The following AKIRIN2 variants were observed in gnomAD, a reference collection of about 807,000 sequenced individuals.
The protein encoded by AKIRIN2 is akirin 2, also known as akirin-2.
A neutral mutation model predicts 29.3 loss-of-function variants in AKIRIN2; 6 were observed. That is an observed-to-expected ratio of 0.20 (90% CI 0.11 to 0.40). The LOEUF is 0.40. Among genes scored for constraint, AKIRIN2 ranks in the 10% least tolerant of loss-of-function variants. AKIRIN2 has a pLI of 1.00. For synonymous variants in AKIRIN2, 128 were observed against 117.5 expected (o/e 1.09, Z -0.58); for missense variants, 210 against 276.1 (o/e 0.76, Z 1.70).
chr6:87,682,481 T>C (rs1771135225), intron 1 of AKIRIN2, among the ~76,000 whole-genome samples: 1 of 152,194 alleles, frequency 6.6e-6, no homozygotes, highest in African/African-American at 2.4e-5. Context: ...AGTAAAATTA[T>C]ATCTGGCACA....
At chr6:87,678,097 A>G (rs1771054306) in intron 2 of AKIRIN2, 130 bp from the exon 3 acceptor site, 7 of 814,088 alleles carry the variant, frequency 8.6e-6, no homozygotes, top group Non-Finnish European at 1.2e-5. Flanking sequence ...GATTTTAAGC[A>G]CAGCATTTCA....
Position 87,675,848 on chromosome 6 carries a change from T to C in AKIRIN2, c.601+12A>G. ...TATTTTCAGTTTATAACTTCAAAGG[T>C]GAAATACTTACAGCTAGCAGGCTGT... On this transcript the variant is annotated intron_variant, in intron 4 of 4. Transcript: ENST00000257787. The C allele has an allele frequency of 6.2e-7, 1 of 1,610,410 alleles. No individual in the cohort carries two copies. Among genetic ancestry groups the C allele is most frequent in the Non-Finnish European group, 8.5e-7 (1 of 1,178,142 alleles).
At chr6:87,698,709 G>A (rs1771410100) in intron 1 of AKIRIN2, among the ~76,000 whole-genome samples, 1 of 152,168 alleles carries the variant, frequency 6.6e-6, no homozygotes, top group South Asian at 2.1e-4. Context: ...TTGCGGTTAA[G>A]AAAGCAAGCT....
chr6:87,690,912 G>T (rs1771267657), intron 1 of AKIRIN2, among the ~76,000 whole-genome samples: 1 of 152,096 alleles, frequency 6.6e-6, no homozygotes, highest in South Asian at 2.1e-4. Flanking sequence ...GATGGAGGTT[G>T]CAGCGAGCGG....
intron 3 of AKIRIN2, 80 bp from the exon 4 acceptor site, chr6:87,676,011 G>T: frequency 8.5e-7 from 1 of 1,183,378 alleles, no homozygotes; most frequent in Non-Finnish European, 1.2e-6. Context: ...AAAATATACA[G>T]TAAAACAATT....
At chr6:87,681,345 T>C (rs1452682550) in intron 2 of AKIRIN2, among the ~76,000 whole-genome samples, 2 of 152,252 alleles carry the variant, frequency 1.3e-5, no homozygotes, top group African/African-American at 2.4e-5. Flanking sequence ...CCTGGCCTAT[T>C]GTTAATTTTT....
chr6:87,685,386 A>G (rs1315429225), intron 1 of AKIRIN2, among the ~76,000 whole-genome samples: 1 of 152,230 alleles, frequency 6.6e-6, no homozygotes, highest in African/African-American at 2.4e-5. Flanking sequence ...AGTTGCTTTC[A>G]TACCAGGTAG....
At chr6:87,694,279 T>C (rs1771325432) in intron 1 of AKIRIN2, among the ~76,000 whole-genome samples, 1 of 152,184 alleles carries the variant, frequency 6.6e-6, no homozygotes, top group African/African-American at 2.4e-5. Context: ...AAAAAAACTG[T>C]TTCAAAAGTG....
chr6:87,689,095 G>A (rs1352222590), intron 1 of AKIRIN2, among the ~76,000 whole-genome samples: 1 of 152,100 alleles, frequency 6.6e-6, no homozygotes, highest in Non-Finnish European at 1.5e-5. Flanking sequence ...CAGAACCTAA[G>A]CCAGCTTGCA....
intron 1 of AKIRIN2, among the ~76,000 whole-genome samples, chr6:87,683,850 C>A (rs1582119501): frequency 1.3e-5 from 2 of 152,232 alleles, no homozygotes; most frequent in East Asian, 3.9e-4. Context: ...CAGGGTTTCA[C>A]CACATTGGTC....
intron 1 of AKIRIN2, among the ~76,000 whole-genome samples, chr6:87,694,264 T>C (rs1771325061): frequency 6.6e-6 from 1 of 152,118 alleles, no homozygotes; most frequent in African/African-American, 2.4e-5. Flanking sequence ...CTTAACACTT[T>C]AAGGAAAAAA....
intron 1 of AKIRIN2, among the ~76,000 whole-genome samples, chr6:87,697,822 T>C (rs138500709): frequency 6.6e-6 from 1 of 152,226 alleles, no homozygotes; most frequent in Non-Finnish European, 1.5e-5. Flanking sequence ...CAGAATTCAA[T>C]TCCTAAGGCA....
intron 2 of AKIRIN2, 74 bp downstream of exon 2, chr6:87,681,546 G>T (rs762459527): frequency 3.1e-5 from 45 of 1,441,808 alleles, no homozygotes; most frequent in Non-Finnish European, 3.9e-5. Flanking sequence ...TAGCTTAAAT[G>T]ACTAAAGACA....
intron 2 of AKIRIN2, among the ~76,000 whole-genome samples, chr6:87,680,776 T>C (rs1404262651): frequency 1.9e-5 from 2 of 102,952 alleles, no homozygotes; most frequent in African/African-American, 8.7e-5. Flanking sequence ...CCCCCCCTTT[T>C]TTTTTTTTTT....
intron 1 of AKIRIN2, among the ~76,000 whole-genome samples, chr6:87,686,994 C>T (rs1241393036): frequency 7.0e-6 from 1 of 142,452 alleles, no homozygotes; most frequent in Non-Finnish European, 1.5e-5. Context: ...TGCAGTGAAC[C>T]GAGATTGCAC....
chr6:87,698,049 T>A (rs1007512081), intron 1 of AKIRIN2, among the ~76,000 whole-genome samples: 1 of 152,178 alleles, frequency 6.6e-6, no homozygotes, highest in African/African-American at 2.4e-5. Context: ...GGCTAAATGG[T>A]AGTATTATGA....
chr6:87,686,696 G>A (rs1200078323), intron 1 of AKIRIN2, among the ~76,000 whole-genome samples: 2 of 151,908 alleles, frequency 1.3e-5, no homozygotes, highest in Non-Finnish European at 2.9e-5. Flanking sequence ...GAATATCTTT[G>A]GAAAACACAA....
chr6:87,700,818 G>A (rs539622957), intron 1 of AKIRIN2: 1 of 154,868 alleles, frequency 6.5e-6, no homozygotes, highest in Admixed American at 6.5e-5. Flanking sequence ...CAGTACTCGG[G>A]AAGAGCATTT....
At chr6:87,676,459 A>AC (rs1374253649) in intron 3 of AKIRIN2, among the ~76,000 whole-genome samples, 6 of 120,816 alleles carry the variant, frequency 5.0e-5, no homozygotes, top group Non-Finnish European at 1.1e-4. Flanking sequence ...AAAAAAAAAA[A>AC]AAAAAAAAAA....
Sources: gnomAD v4.1 joint callset for allele counts (sites outside exome capture counted in the v4.1 genomes callset) on GRCh38, gnomAD v4.1.1 for gene constraint, MANE v1.5 for transcripts, NCBI Gene and HGNC (gene_info 2026-07-23, HGNC 2026-07-21) for gene names.